GSDMC: variants seen among roughly 807,000 people sequenced by gnomAD.
GSDMC encodes gasdermin-C.
GSDMC carries 59 observed loss-of-function variants against 58.0 expected under a neutral mutation model. The ratio of observed to expected loss-of-function variants is 1.02; its 90% CI spans 0.82 to 1.26. GSDMC has a LOEUF of 1.26. GSDMC is among the 50% of genes most tolerant of loss of function. The probability of loss-of-function intolerance (pLI) is 0.00; values close to 1 mark genes in which losing one functional copy is unlikely to be tolerated. For missense variants in GSDMC, 659 were observed against 598.5 expected (o/e 1.10, Z -1.06); for synonymous variants, 241 against 220.2 (o/e 1.09, Z -0.83).
At chr8:129,736,061 A>G in the GSDMC span, among the ~76,000 whole-genome samples, 3 of 152,196 alleles carry the variant, frequency 2.0e-5, no homozygotes, top group Non-Finnish European at 4.4e-5. Context: ...TCTAGAAGAA[A>G]TGGATAAATT....
chr8:129,713,399 G>A, the GSDMC span, among the ~76,000 whole-genome samples: 2 of 88,816 alleles, frequency 2.3e-5, no homozygotes, highest in African/African-American at 1.1e-4. Context: ...GAGCCTTGTG[G>A]CCTCAGTGAA....
chr8:129,749,875 G>A (rs1472862575), intron 12 of GSDMC, 115 bp downstream of exon 12: 5 of 804,402 alleles, frequency 6.2e-6, no homozygotes, highest in Non-Finnish European at 9.9e-6. Context: ...GTGATGTAAG[G>A]ACGAAAGATC....
chr8:129,756,659 A>G (rs2033452384), intron 6 of GSDMC, among the ~76,000 whole-genome samples: 1 of 152,158 alleles, frequency 6.6e-6, no homozygotes, highest in Non-Finnish European at 1.5e-5. Context: ...GTTAGGTTAT[A>G]AAACAAGCAT....
At chr8:129,743,457 A>G (rs1490777276), downstream of GSDMC, among the ~76,000 whole-genome samples, 1 of 152,110 alleles carries the variant, frequency 6.6e-6, no homozygotes, top group Non-Finnish European at 1.5e-5. Flanking sequence ...TTTCCTCAAT[A>G]GGCTTCTGTT....
chr8:129,706,757 A>G, the GSDMC span, among the ~76,000 whole-genome samples: 2 of 152,206 alleles, frequency 1.3e-5, no homozygotes, highest in Non-Finnish European at 2.9e-5. Flanking sequence ...TGAGGACAGA[A>G]GAGAGGCTAC....
chr8:129,771,043 T>TTA (rs896389919), intron 3 of GSDMC, among the ~76,000 whole-genome samples: 1 of 149,624 alleles, frequency 6.7e-6, no homozygotes, highest in African/African-American at 2.4e-5. Flanking sequence ...ATGTATATAT[T>TTA]TATATATATA....
intron 3 of GSDMC, among the ~76,000 whole-genome samples, chr8:129,766,510 C>T (rs2033866878): frequency 6.6e-6 from 1 of 152,206 alleles, no homozygotes; most frequent in Admixed American, 6.5e-5. Flanking sequence ...GGTTACTGCG[C>T]ACACAATATT....
intron 1 of GSDMC, among the ~76,000 whole-genome samples, chr8:129,782,847 A>C (rs2034452561): frequency 6.6e-6 from 1 of 152,096 alleles, no homozygotes; most frequent in Non-Finnish European, 1.5e-5. Context: ...GGATACTTCC[A>C]AACTCATTCT....
the GSDMC span, among the ~76,000 whole-genome samples, chr8:129,733,447 CTG>C: frequency 9.8e-5 from 15 of 152,310 alleles, no homozygotes; most frequent in East Asian, 2.3e-3. Context: ...GGATGCCCCT[CTG>C]GGATGAAACT....
the GSDMC span, among the ~76,000 whole-genome samples, chr8:129,708,238 A>G: frequency 6.6e-6 from 1 of 152,240 alleles, no homozygotes; most frequent in Non-Finnish European, 1.5e-5. Flanking sequence ...GAGGGGCCCC[A>G]GAGTTCACAG....
chr8:129,729,923 G>A, the GSDMC span: 23 of 1,418,614 alleles, frequency 1.6e-5, no homozygotes, highest in Non-Finnish European at 2.2e-5. Flanking sequence ...CAAAAGATTT[G>A]AGAATCAACA....
rs1370837740 is a variant in GSDMC, at chr8:129,748,635, A to T, written c.1393T>A (p.Tyr465Asn). 24 of 1,612,600 alleles carry T rather than the reference A, an allele frequency of 1.5e-5. No homozygotes were observed. The highest frequency in any genetic ancestry group is 2.0e-5 in the Non-Finnish European group (24 of 1,179,346). Reference protein sequence around the residue: ...PLQSEGLAITYGLLEECGLRM... With the variant: ...PLQSEGLAITNGLLEECGLRM... Reference sequence around the variant, plus strand: ...AGGCCACACTCCTCCAGCAGGCCATAGGTGATGGCCAAACCCTCACTCTGG... The same window carrying T: ...AGGCCACACTCCTCCAGCAGGCCATTGGTGATGGCCAAACCCTCACTCTGG... Residue 465 changes from tyrosine (Y) to asparagine (N), a missense_variant, in exon 14 of 14, where the codon TAT (tyrosine) becomes AAT (asparagine). Tyr to Asn is a moderately radical substitution (Grantham distance 143). Transcript: ENST00000276708.
intron 3 of GSDMC, 82 bp from the exon 4 acceptor site, chr8:129,765,875 A>G (rs924287172): frequency 8.8e-6 from 10 of 1,138,924 alleles, no homozygotes; most frequent in African/African-American, 7.7e-5. Flanking sequence ...CTTCTCCCCA[A>G]GACCTGGGAG....
the GSDMC span, among the ~76,000 whole-genome samples, chr8:129,735,564 AACAAC>A: frequency 1.3e-5 from 2 of 152,180 alleles, no homozygotes; most frequent in Non-Finnish European, 2.9e-5. Context: ...CTACTGGGTA[AACAAC>A]AAAATGAAGG....
At chr8:129,762,809 G>A in intron 4 of GSDMC, 78 bp from the exon 5 acceptor site, 1 of 928,598 alleles carries the variant, frequency 1.1e-6, no homozygotes, top group Non-Finnish European at 1.7e-6. Flanking sequence ...AGCTCATTAG[G>A]AAAAACATCA....
the GSDMC span, among the ~76,000 whole-genome samples, chr8:129,707,868 T>C: frequency 2.0e-5 from 3 of 152,204 alleles, no homozygotes; most frequent in Non-Finnish European, 4.4e-5. Flanking sequence ...ATAGAATTCT[T>C]TGGTGGTTCA....
At chr8:129,749,905 G>A in intron 12 of GSDMC, 85 bp downstream of exon 12, 4 of 1,112,082 alleles carry the variant, frequency 3.6e-6, no homozygotes, top group Non-Finnish European at 5.2e-6. Flanking sequence ...AAAGGGCTTT[G>A]GAGACACAGC....
downstream of GSDMC, among the ~76,000 whole-genome samples, chr8:129,744,968 A>G (rs1342551684): frequency 2.6e-5 from 4 of 152,360 alleles, no homozygotes; most frequent in Admixed American, 2.6e-4. Context: ...TGAGACCTAG[A>G]GAGGTCCACT....
At chr8:129,785,528 C>T (rs1216739791) in intron 1 of GSDMC, among the ~76,000 whole-genome samples, 1 of 150,772 alleles carries the variant, frequency 6.6e-6, no homozygotes. Context: ...AATAATTGTA[C>T]AGTTAGAAAT....
Sources: gnomAD v4.1 joint callset for allele counts (sites outside exome capture counted in the v4.1 genomes callset) on GRCh38, gnomAD v4.1.1 for gene constraint, MANE v1.5 for transcripts, NCBI Gene and HGNC (gene_info 2026-07-23, HGNC 2026-07-21) for gene names.